Variants in HMCN1 observed in about 807,000 individuals in gnomAD.
The protein encoded by HMCN1 is hemicentin 1, also known as hemicentin-1.
A neutral mutation model predicts 625.9 loss-of-function variants in HMCN1; 321 were observed. The ratio of observed to expected loss-of-function variants is 0.51; its 90% confidence interval spans 0.47 to 0.56. HMCN1 has a LOEUF of 0.56. Among genes scored for constraint, HMCN1 ranks in the 20% least tolerant of loss-of-function variants. The pLI is 0.00. For synonymous variants in HMCN1, 2,425 were observed against 2,417.6 expected (o/e 1.00, Z -0.09); for missense variants, 6,588 against 6,887.3 (o/e 0.96, Z 1.54).
At chr1:185,776,579 A>AG (rs1656629438) in intron 1 of HMCN1, among the ~76,000 whole-genome samples, 2 of 152,134 alleles carry the variant, frequency 1.3e-5, no homozygotes, top group African/African-American at 4.8e-5. Flanking sequence ...ATAAAAAAAA[A>AG]TTCCTAAGGA....
At chr1:186,016,797 G>A (rs1161193036) in intron 32 of HMCN1, among the ~76,000 whole-genome samples, 166 bp from the exon 33 acceptor site, 1 of 152,014 alleles carries the variant, frequency 6.6e-6, no homozygotes, top group Non-Finnish European at 1.5e-5. Flanking sequence ...ATCCTGACAA[G>A]GCTTTATTGT....
At chr1:186,016,677 A>C (rs1654388809) in intron 32 of HMCN1, among the ~76,000 whole-genome samples, 1 of 152,054 alleles carries the variant, frequency 6.6e-6, no homozygotes, top group Non-Finnish European at 1.5e-5. Flanking sequence ...TCTTGTGCTT[A>C]TGAAAATAAA....
In HMCN1 at chr1:186,061,988, TAGA is replaced by T; in HGVS notation, c.7426+29_7426+31del. On this transcript the variant is annotated intron_variant, in intron 47 of 106. Coordinates refer to ENST00000271588, the MANE Select transcript of HMCN1 (RefSeq NM_031935.3). ...AGGTACTTATATAGTTTGCAATATC[TAGA>T]AGAAACTTAAATTGCCTTAAATCCT... The T allele has an allele frequency of 2.1e-6, 3 of 1,398,052 alleles. No homozygotes were observed. In the East Asian group the frequency reaches 6.9e-5, roughly 32 times the overall value. The allele number at this position is 1,398,052 out of a possible 1,614,324, so 86.6% of individuals were successfully genotyped here.
chr1:185,980,834 G>A, intron 16 of HMCN1, 144 bp from the exon 17 acceptor site: 2 of 727,090 alleles, frequency 2.8e-6, no homozygotes. Context: ...TTTCACTGTG[G>A]TGTGATGGCT....
At chr1:185,892,140 G>C (rs147584746) in intron 4 of HMCN1, among the ~76,000 whole-genome samples, 7,379 of 147,528 alleles carry the variant, frequency 0.05, 1,093 homozygotes, top group African/African-American at 0.18. Flanking sequence ...CGTAGTTCTC[G>C]AGCCTTGGTT....
chr1:186,171,486 C>G lies in HMCN1; in HGVS notation c.15688+36C>G, dbSNP rs776805632. The G allele has an allele frequency of 6.4e-6, 9 of 1,406,686 alleles. 1 individual carries two copies. The South Asian group carries it at 1.0e-4, about 16-fold the overall frequency. 87.1% of individuals were successfully genotyped at this position (1,406,686 alleles called of 1,614,324 possible). ...GGCTTTGAATTTAAAGGAATGACAC[C>G]TCTATAACTTCTTAATGATGTCTGA... On this transcript the variant is annotated intron_variant, in intron 101 of 106. Transcript: ENST00000271588.
chr1:185,942,812 C>T (rs1271111169), intron 11 of HMCN1, among the ~76,000 whole-genome samples: 1 of 152,128 alleles, frequency 6.6e-6, no homozygotes, highest in Admixed American at 6.6e-5. Flanking sequence ...CCCTGGGCTT[C>T]CTATACTTCT....
intron 90 of HMCN1, 82 bp from the exon 91 acceptor site, chr1:186,144,451 T>G: frequency 6.2e-7 from 1 of 1,607,902 alleles, no homozygotes; most frequent in Non-Finnish European, 8.5e-7. Context: ...CACAAGAACA[T>G]CTCTCAAACT....
intron 41 of HMCN1, among the ~76,000 whole-genome samples, chr1:186,046,392 C>G (rs1656575995): frequency 6.6e-6 from 1 of 152,066 alleles, no homozygotes; most frequent in African/African-American, 2.4e-5. Flanking sequence ...CTGCCTGAAC[C>G]CGGGAGGTGG....
Position 186,189,010 on chromosome 1 carries a change from T to A in HMCN1, c.16542-502T>A, listed in dbSNP as rs891083601. Reference sequence around the variant, plus strand: ...AATAAAGCTTTTTAATCTACAATAATGTGAACGACAATTACAAAAGAAGTA... The same window carrying A: ...AATAAAGCTTTTTAATCTACAATAAAGTGAACGACAATTACAAAAGAAGTA... On this transcript the variant is annotated intron_variant, in intron 106 of 106. Coordinates refer to ENST00000271588, the MANE Select transcript of HMCN1 (RefSeq NM_031935.3). Among the ~76,000 whole-genome samples, 4 of 152,156 alleles carry A rather than the reference T, an allele frequency of 2.6e-5. No homozygotes were observed. In the East Asian group the frequency reaches 7.7e-4, roughly 29 times the overall value.
At chr1:186,091,154 ATTAACT>A (rs903179026) in intron 64 of HMCN1, among the ~76,000 whole-genome samples, 1 of 152,018 alleles carries the variant, frequency 6.6e-6, no homozygotes, top group South Asian at 2.1e-4. Flanking sequence ...TAATTAACTC[ATTAACT>A]TTAACTAACT....
Position 185,870,036 on chromosome 1 carries a change from T to TA in HMCN1, c.621+4182dup, listed in dbSNP as rs1553252271. The stretch of plus-strand genomic sequence containing the variant: ...ACTGCGTTCTGTTTTTTTTTTTTTT[T>TA]AAAAAAAAACAATGATTAAGTAGAA... On this transcript the variant is annotated intron_variant, in intron 4 of 106. Coordinates refer to ENST00000271588, the MANE Select transcript of HMCN1 (RefSeq NM_031935.3). 8.6e-3 allele frequency among the ~76,000 whole-genome samples: 1,283 copies of TA among 149,072 alleles called. 11 individuals carry two copies. The highest frequency in any genetic ancestry group is 8.5e-3 in the African/African-American group (346 of 40,632).
Position 185,865,845 on chromosome 1 carries a change from CA to C in HMCN1, c.609del (p.Lys203AsnfsTer7). ...TSSGQVFHLD[K>X]KQVNEVLKWV... ...GTTCTGGTCAAGTGTTCCATCTGGA[CA>C]AAAAACAAGTTAATGAGGTCAGTTT... On this transcript the variant is annotated frameshift_variant, in exon 4 of 107. Coordinates refer to ENST00000271588, the MANE Select transcript of HMCN1 (RefSeq NM_031935.3). LOFTEE classifies it high-confidence loss of function. 1 of 1,612,884 alleles carries C rather than the reference CA, an allele frequency of 6.2e-7. No individual in the cohort carries two copies. The highest frequency in any genetic ancestry group is 8.5e-7 in the Non-Finnish European group (1 of 1,179,570).
Position 185,982,193 on chromosome 1 carries a change from C to T in HMCN1, c.2663-69C>T. ...TAGCATAACTAACAGTCTTTGGGGC[C>T]TGTGAAGTGGCTTACCTTTCTTTTG... is the stretch of plus-strand genomic sequence containing the variant. On this transcript the variant is annotated intron_variant, in intron 17 of 106. Transcript: ENST00000271588. 3 of 1,474,994 alleles carry T rather than the reference C, an allele frequency of 2.0e-6. No individual in the cohort carries two copies. In the East Asian group the frequency reaches 6.8e-5, roughly 33 times the overall value. 91.4% of individuals were successfully genotyped at this position (1,474,994 alleles called of 1,614,324 possible).
rs181913541 is a variant in HMCN1 at position 185,873,882 on chromosome 1, T to C, written c.621+8019T>C. 4.1e-3 allele frequency among the ~76,000 whole-genome samples: 619 copies of C among 152,138 alleles called. 2 individuals carry two copies. The highest frequency in any genetic ancestry group is 5.6e-3 in the Non-Finnish European group (378 of 67,902). On this transcript the variant is annotated intron_variant, in intron 4 of 106. Transcript: ENST00000271588. ...AGACATAGAAGATCTTATATAATTGTCTAACTTACTTTTCATAATTACCTA... is the reference window on the plus strand; with the variant it reads ...AGACATAGAAGATCTTATATAATTGCCTAACTTACTTTTCATAATTACCTA...
intron 97 of HMCN1, among the ~76,000 whole-genome samples, chr1:186,159,039 A>G (rs370820133): frequency 0.076 from 11,478 of 151,298 alleles, 1,116 homozygotes; most frequent in African/African-American, 0.23. Context: ...CCATTTTCAC[A>G]ATATTGATTC....
intron 97 of HMCN1, among the ~76,000 whole-genome samples, chr1:186,164,349 G>A (rs1453659376): frequency 6.7e-6 from 1 of 149,156 alleles, no homozygotes; most frequent in African/African-American, 2.5e-5. Flanking sequence ...ACGCCATTCT[G>A]CTGCCTCAGT....
At chr1:186,147,434 C>G (rs1405856499) in intron 93 of HMCN1, among the ~76,000 whole-genome samples, 1 of 145,848 alleles carries the variant, frequency 6.9e-6, no homozygotes, top group Admixed American at 7.0e-5. Context: ...TAATTCGTGG[C>G]AAACAAATGA....
At position 186,146,593 on chromosome 1, in the gene HMCN1, A is replaced by C. The variant is rs531580017; in HGVS notation, c.14608+670A>C. Among the ~76,000 whole-genome samples, 14 of 152,352 alleles carry C rather than the reference A, an allele frequency of 9.2e-5. No individual in the cohort carries two copies. In the South Asian group the frequency reaches 2.9e-3, roughly 32 times the overall value. On this transcript the variant is annotated intron_variant, in intron 93 of 106. Coordinates refer to ENST00000271588, the MANE Select transcript of HMCN1 (RefSeq NM_031935.3). The stretch of plus-strand genomic sequence containing the variant: ...AAGCTTTAAGGTCTTCTTAGAAATA[A>C]AATGTTCCTGAAAAATCAAGATCAT...
Sources: gnomAD v4.1 joint callset for allele counts (sites outside exome capture counted in the v4.1 genomes callset) on GRCh38, gnomAD v4.1.1 for gene constraint, MANE v1.5 for transcripts, NCBI Gene and HGNC (gene_info 2026-07-23, HGNC 2026-07-21) for gene names.